TCEA1: variants seen among roughly 807,000 people sequenced by gnomAD.
TCEA1 encodes the protein transcription elongation factor A1.
TCEA1 carries 21 observed loss-of-function variants against 43.8 expected under a neutral mutation model. The observed-to-expected ratio is 0.48, with a 90% CI of 0.34 to 0.69. TCEA1 has a LOEUF of 0.69. Ranked by LOEUF, TCEA1 falls within the 30% of genes least tolerant of loss-of-function variation. The pLI is 0.01. For synonymous variants in TCEA1, 104 were observed against 117.5 expected, an observed-to-expected ratio of 0.88 and a Z score of 0.75; for missense variants, 250 against 365.1, an observed-to-expected ratio of 0.68 and a Z score of 2.57.
intron 7 of TCEA1, among the ~76,000 whole-genome samples, chr8:53,984,008 G>A (rs7018089): frequency 0.16 from 24,418 of 152,202 alleles, 5,528 homozygotes; most frequent in African/African-American, 0.51. Flanking sequence ...GCTGAGGCAG[G>A]AGAATCGCTT....
At chr8:54,014,584 A>C (rs1427682529) in intron 1 of TCEA1, among the ~76,000 whole-genome samples, 2 of 152,218 alleles carry the variant, frequency 1.3e-5, no homozygotes, top group African/African-American at 2.4e-5. Flanking sequence ...CTGAAAGATA[A>C]ACTACAGCTA....
At chr8:53,993,839 C>T in intron 3 of TCEA1, 84 bp from the exon 4 acceptor site, 2 of 1,064,916 alleles carry the variant, frequency 1.9e-6, no homozygotes, top group Non-Finnish European at 1.4e-6. Flanking sequence ...ATTTGCACAA[C>T]ATGAACTAAA....
At chr8:53,998,423 T>C (rs955819494) in intron 3 of TCEA1, among the ~76,000 whole-genome samples, 3 of 152,310 alleles carry the variant, frequency 2.0e-5, no homozygotes, top group Non-Finnish European at 2.9e-5. Context: ...GAGGCATACA[T>C]ACTTTCTTCT....
At chr8:53,998,450 T>C (rs187778826) in intron 3 of TCEA1, among the ~76,000 whole-genome samples, 2 of 152,312 alleles carry the variant, frequency 1.3e-5, no homozygotes, top group African/African-American at 4.8e-5. Flanking sequence ...AATGACCTTG[T>C]TTCTTTTAGC....
chr8:53,986,509 C>T (rs776632899), intron 6 of TCEA1, among the ~76,000 whole-genome samples: 12 of 152,316 alleles, frequency 7.9e-5, no homozygotes, highest in Non-Finnish European at 1.3e-4. Flanking sequence ...AAATTGCCAA[C>T]GAGATACACC....
At chr8:54,021,917 C>T in intron 1 of TCEA1, 146 bp downstream of exon 1, 1 of 722,462 alleles carries the variant, frequency 1.4e-6, no homozygotes, top group East Asian at 3.7e-5. Context: ...GCCCGGACAC[C>T]CTCCCCGGGG....
intron 1 of TCEA1, among the ~76,000 whole-genome samples, chr8:54,010,872 G>A (rs1438847123): frequency 6.6e-6 from 1 of 151,792 alleles, no homozygotes; most frequent in African/African-American, 2.4e-5. Flanking sequence ...GTGCAGTGGT[G>A]TGATCTCGGC....
chr8:53,990,730 C>T (rs1381480314), intron 4 of TCEA1, among the ~76,000 whole-genome samples: 5 of 152,184 alleles, frequency 3.3e-5, no homozygotes, highest in African/African-American at 4.8e-5. Flanking sequence ...AAATGCTCCA[C>T]AGGAACCAAG....
chr8:53,972,314 G>A (rs753229856), intron 8 of TCEA1: 8 of 456,554 alleles, frequency 1.8e-5, no homozygotes, highest in Non-Finnish European at 3.4e-5. Context: ...ATGAAGAGGA[G>A]GATGAAGAGA....
chr8:53,994,108 T>C (rs1169118846), intron 3 of TCEA1, among the ~76,000 whole-genome samples: 3 of 152,142 alleles, frequency 2.0e-5, no homozygotes, highest in Non-Finnish European at 4.4e-5. Context: ...TTCCAGCAGT[T>C]TGGGAGGCTG....
At chr8:53,993,532 C>T (rs1315438606) in intron 4 of TCEA1, 136 bp downstream of exon 4, 3 of 621,364 alleles carry the variant, frequency 4.8e-6, no homozygotes, top group Middle Eastern at 3.1e-4. Context: ...GAATACATGG[C>T]TACATACATT....
intron 1 of TCEA1, among the ~76,000 whole-genome samples, chr8:54,021,227 G>A (rs2129316086): frequency 6.6e-6 from 1 of 152,256 alleles, no homozygotes; most frequent in Non-Finnish European, 1.5e-5. Flanking sequence ...TGAGTCTGAA[G>A]CAAGGGACTG....
intron 7 of TCEA1, among the ~76,000 whole-genome samples, chr8:53,983,928 T>C (rs1803603633): frequency 1.3e-5 from 2 of 152,054 alleles, no homozygotes; most frequent in Admixed American, 6.5e-5. Flanking sequence ...GAAGAAACCC[T>C]GTCTCTACTA....
chr8:53,994,127 T>C (rs1006118512), intron 3 of TCEA1, among the ~76,000 whole-genome samples: 4 of 152,200 alleles, frequency 2.6e-5, no homozygotes, highest in African/African-American at 7.2e-5. Flanking sequence ...TGTGGATCAC[T>C]TGAGCTCATG....
intron 1 of TCEA1, among the ~76,000 whole-genome samples, chr8:54,016,847 G>A (rs1387216529): frequency 7.3e-5 from 11 of 151,584 alleles, no homozygotes; most frequent in Middle Eastern, 3.2e-3. Flanking sequence ...GGTGGTGCGC[G>A]CCTATAGTCC....
chr8:53,982,720 A>T (rs1803551214), intron 7 of TCEA1, among the ~76,000 whole-genome samples: 1 of 152,184 alleles, frequency 6.6e-6, no homozygotes, highest in Non-Finnish European at 1.5e-5. Flanking sequence ...AGTTGCTTCA[A>T]TCTCATAATA....
At position 54,010,244 on chromosome 8, in the gene TCEA1, C is replaced by T. The variant is rs571843530; in HGVS notation, c.126+186G>A. The T allele has an allele frequency of 4.0e-4, 207 of 516,212 alleles. 1 individual carries two copies. The highest frequency in any genetic ancestry group is 3.9e-3 in the African/African-American group (190 of 49,060). The allele number at this position is 516,212 out of a possible 1,614,324, so 32.0% of individuals were successfully genotyped here. A position where few individuals can be genotyped will look rare whatever the true frequency, so the allele number is the denominator to read the frequency against. On this transcript the variant is annotated intron_variant, in intron 2 of 9. Transcript: ENST00000521604. ...CAGGTTTTATTCTCCTTAAGAAAGG[C>T]GACATTGCTCTATAATGGCAACTTA...
chr8:53,968,154 C>A, intron 9 of TCEA1, 42 bp from the exon 10 acceptor site: 1 of 1,463,400 alleles, frequency 6.8e-7, no homozygotes, highest in Non-Finnish European at 9.3e-7. Flanking sequence ...CTTTAAATAC[C>A]AATAAGGTAC....
chr8:53,976,019 T>C (rs1334872705), intron 8 of TCEA1, among the ~76,000 whole-genome samples: 1 of 152,184 alleles, frequency 6.6e-6, no homozygotes, highest in African/African-American at 2.4e-5. Context: ...CTGAAGAGAA[T>C]TACCAGAATC....
Sources: gnomAD v4.1 joint callset for allele counts (sites outside exome capture counted in the v4.1 genomes callset) on GRCh38, gnomAD v4.1.1 for gene constraint, MANE v1.5 for transcripts, NCBI Gene and HGNC (gene_info 2026-07-23, HGNC 2026-07-21) for gene names.